The following PLA2G4A variants were observed in gnomAD, a reference collection of about 807,000 sequenced individuals.
PLA2G4A encodes the protein cytosolic phospholipase A2.
PLA2G4A carries 40 observed loss-of-function variants against 81.9 expected under a neutral mutation model. That is an observed-to-expected ratio of 0.49 (90% CI 0.38 to 0.64). The LOEUF (loss-of-function observed/expected upper bound fraction) is 0.64. Among genes scored for constraint, PLA2G4A ranks in the 30% least tolerant of loss-of-function variants. The pLI, the probability that PLA2G4A is intolerant of heterozygous loss-of-function variation, is 0.00. For missense variants in PLA2G4A, 715 were observed against 905.1 expected (o/e 0.79, Z 2.69); for synonymous variants, 302 against 296.9 (o/e 1.02, Z -0.18).
At chr1:186,965,953 AG>A (rs1657112369) in intron 15 of PLA2G4A, among the ~76,000 whole-genome samples, 2 of 152,074 alleles carry the variant, frequency 1.3e-5, no homozygotes, top group African/African-American at 4.8e-5. Flanking sequence ...AGTACTTTAA[AG>A]AATGCTAACA....
At chr1:186,975,443 A>G (rs1041948804) in intron 15 of PLA2G4A, among the ~76,000 whole-genome samples, 1 of 152,212 alleles carries the variant, frequency 6.6e-6, no homozygotes, top group Non-Finnish European at 1.5e-5. Context: ...AGTTCAATGA[A>G]AAGTGTATTT....
At chr1:186,927,200 A>G (rs1401814168) in intron 7 of PLA2G4A, among the ~76,000 whole-genome samples, 5 of 152,188 alleles carry the variant, frequency 3.3e-5, no homozygotes, top group Admixed American at 2.6e-4. Context: ...ATTTCTTCAC[A>G]CTGCCCTTTT....
At chr1:186,947,101 A>G (rs1474039997) in intron 12 of PLA2G4A, 140 bp downstream of exon 12, 1 of 613,812 alleles carries the variant, frequency 1.6e-6, no homozygotes, top group East Asian at 2.8e-5. Context: ...ATCAATCTAA[A>G]TATTTCCTAA....
intron 14 of PLA2G4A, among the ~76,000 whole-genome samples, chr1:186,959,478 C>T (rs1656872956): frequency 6.6e-6 from 1 of 152,060 alleles, no homozygotes; most frequent in South Asian, 2.1e-4. Context: ...GTGTGTATTT[C>T]ATTTAAATTA....
intron 7 of PLA2G4A, among the ~76,000 whole-genome samples, chr1:186,930,657 T>C (rs961847796): frequency 7.9e-5 from 12 of 152,214 alleles, no homozygotes; most frequent in Non-Finnish European, 1.2e-4. Flanking sequence ...TTTTTAATAA[T>C]ACAATGCTAC....
chr1:186,865,994 A>T (rs1653013544), intron 2 of PLA2G4A, among the ~76,000 whole-genome samples: 1 of 152,190 alleles, frequency 6.6e-6, no homozygotes, highest in African/African-American at 2.4e-5. Flanking sequence ...ACTAAGTCGG[A>T]TTGAGCTTAG....
At chr1:186,896,809 A>C (rs545759514) in intron 5 of PLA2G4A, among the ~76,000 whole-genome samples, 1 of 152,236 alleles carries the variant, frequency 6.6e-6, no homozygotes, top group African/African-American at 2.4e-5. Flanking sequence ...ACTTCTTTGT[A>C]GTTTTATCTG....
At chr1:186,836,499 A>G (rs1428908621) in intron 1 of PLA2G4A, among the ~76,000 whole-genome samples, 3 of 152,154 alleles carry the variant, frequency 2.0e-5, no homozygotes, top group Non-Finnish European at 4.4e-5. Context: ...ATTAATACAT[A>G]TAGTATACTT....
chr1:186,920,055 C>T (rs1044505812), intron 7 of PLA2G4A, among the ~76,000 whole-genome samples: 12 of 152,148 alleles, frequency 7.9e-5, no homozygotes, highest in African/African-American at 2.7e-4. Flanking sequence ...CTTGGTTGAC[C>T]GCCAGTCCCG....
At chr1:186,979,023 G>C (rs943417673) in intron 16 of PLA2G4A, among the ~76,000 whole-genome samples, 2 of 152,210 alleles carry the variant, frequency 1.3e-5, no homozygotes, top group African/African-American at 4.8e-5. Context: ...ACCACTGCCT[G>C]GGGAACAGTG....
intron 12 of PLA2G4A, 147 bp downstream of exon 12, chr1:186,947,108 C>T (rs1656373735): frequency 1.7e-6 from 1 of 602,662 alleles, no homozygotes; most frequent in Non-Finnish European, 2.9e-6. Context: ...TAAATATTTC[C>T]TAAAAATAAT....
Position 186,856,698 on chromosome 1 carries a change from G to A in PLA2G4A, c.33+2311G>A, listed in dbSNP as rs115487660. Among the ~76,000 whole-genome samples the A allele has an allele frequency of 6.7e-3, 1,020 of 152,050 alleles. 19 individuals carry two copies. Among genetic ancestry groups the A allele is most frequent in the African/African-American group, 0.023 (972 of 41,480 alleles). On this transcript the variant is annotated intron_variant, in intron 2 of 17. Transcript: ENST00000367466. The stretch of plus-strand genomic sequence containing the variant: ...GATAATGTAAGCCTACAGTGTAAGG[G>A]CTCTGATAAGAGACAATGAAGATCA...
chr1:186,889,232 G>T (rs149060898), intron 3 of PLA2G4A, among the ~76,000 whole-genome samples: 1 of 152,176 alleles, frequency 6.6e-6, no homozygotes, highest in East Asian at 1.9e-4. Flanking sequence ...AGTTAGAAAT[G>T]AGAATGACTG....
At chr1:186,944,660 G>A (rs1318290199) in intron 10 of PLA2G4A, among the ~76,000 whole-genome samples, 1 of 152,130 alleles carries the variant, frequency 6.6e-6, no homozygotes, top group Non-Finnish European at 1.5e-5. Flanking sequence ...TTCATGAAAG[G>A]AAGGTGTTGT....
At chr1:186,988,236 A>G (rs1166421122) in intron 17 of PLA2G4A, 141 bp from the exon 18 acceptor site, 3 of 586,712 alleles carry the variant, frequency 5.1e-6, no homozygotes, top group Admixed American at 2.7e-5. Context: ...TTAAATGTGT[A>G]TGCATGACTC....
At chr1:186,857,477 T>C (rs1652629271) in intron 2 of PLA2G4A, among the ~76,000 whole-genome samples, 1 of 135,412 alleles carries the variant, frequency 7.4e-6, no homozygotes, top group African/African-American at 2.8e-5. Flanking sequence ...GTATAATATA[T>C]ATACAATATA....
chr1:186,904,948 G>T (rs568603453), intron 5 of PLA2G4A, among the ~76,000 whole-genome samples: 2 of 152,190 alleles, frequency 1.3e-5, no homozygotes, highest in African/African-American at 4.8e-5. Flanking sequence ...TCCGCCTGCT[G>T]GGTTCAAGTG....
At chr1:186,971,747 T>A (rs1261318624) in intron 15 of PLA2G4A, among the ~76,000 whole-genome samples, 1 of 151,992 alleles carries the variant, frequency 6.6e-6, no homozygotes, top group Non-Finnish European at 1.5e-5. Context: ...ATACTATCAA[T>A]ACTAAAGTAG....
chr1:186,830,634 T>TAAAAAAAAAAAAAAAAAAAAAAAAAA (rs1651520226), intron 1 of PLA2G4A, among the ~76,000 whole-genome samples: 1 of 109,180 alleles, frequency 9.2e-6, no homozygotes, highest in Non-Finnish European at 1.8e-5. Flanking sequence ...AAAAAAAAAG[T>TAAAAAAAAAAAAAAAAAAAAAAAAAA]AAGTTATTCT....
Sources: gnomAD v4.1 joint callset for allele counts (sites outside exome capture counted in the v4.1 genomes callset) on GRCh38, gnomAD v4.1.1 for gene constraint, MANE v1.5 for transcripts, NCBI Gene and HGNC (gene_info 2026-07-23, HGNC 2026-07-21) for gene names.